The following EDIL3 variants were observed in gnomAD, a reference collection of about 807,000 sequenced individuals.
The protein encoded by EDIL3 is EGF like and discoidin domains 3.
Under a neutral mutation model 67.4 loss-of-function variants are expected in EDIL3, and 37 were observed. That is an observed-to-expected ratio of 0.55 (90% confidence interval 0.42 to 0.72). The LOEUF (loss-of-function observed/expected upper bound fraction) is 0.72, where lower values mean the gene tolerates loss of function less well. Ranked by LOEUF, EDIL3 falls within the 30% of genes least tolerant of loss-of-function variation. The pLI, the probability that EDIL3 is intolerant of heterozygous loss-of-function variation, is 0.00. For missense variants in EDIL3, 527 were observed against 586.3 expected (o/e 0.90, Z 1.04); for synonymous variants, 195 against 196.3 (o/e 0.99, Z 0.05).
At chr5:84,313,861 T>C in intron 1 of EDIL3, among the ~76,000 whole-genome samples, 1 of 152,050 alleles carries the variant, frequency 6.6e-6, no homozygotes, top group Non-Finnish European at 1.5e-5. Flanking sequence ...ATAGAGAAGA[T>C]AGGGCAGATA....
At chr5:84,312,459 G>A (rs537792640) in intron 1 of EDIL3, among the ~76,000 whole-genome samples, 32 of 141,702 alleles carry the variant, frequency 2.3e-4, no homozygotes, top group Non-Finnish European at 4.5e-4. Context: ...AGGGGCGGCC[G>A]GGCAGAGGCG....
chr5:84,301,036 G>A (rs1455669456), intron 1 of EDIL3, among the ~76,000 whole-genome samples: 1 of 152,176 alleles, frequency 6.6e-6, no homozygotes, highest in Non-Finnish European at 1.5e-5. Context: ...TTGGGTGGCT[G>A]AGGCAGGTGG....
intron 4 of EDIL3, among the ~76,000 whole-genome samples, chr5:84,147,264 G>C (rs918538082): frequency 2.0e-5 from 3 of 151,948 alleles, no homozygotes; most frequent in African/African-American, 7.2e-5. Context: ...TAGAGAAATT[G>C]CTCTAGAGTA....
At chr5:84,351,600 G>A (rs1747362852) in intron 1 of EDIL3, among the ~76,000 whole-genome samples, 1 of 152,110 alleles carries the variant, frequency 6.6e-6, no homozygotes, top group Non-Finnish European at 1.5e-5. Context: ...TAGAACAGAA[G>A]TATATATGTT....
intron 3 of EDIL3, among the ~76,000 whole-genome samples, chr5:84,186,728 CGCACACATACAA>C (rs915253782): frequency 1.3e-5 from 2 of 152,134 alleles, no homozygotes; most frequent in Non-Finnish European, 2.9e-5. Flanking sequence ...CCAGCACACA[CGCACACATACAA>C]GCACACATGT....
chr5:84,029,718 C>T (rs576941127), intron 9 of EDIL3, among the ~76,000 whole-genome samples: 2 of 152,200 alleles, frequency 1.3e-5, no homozygotes, highest in African/African-American at 4.8e-5. Context: ...TTATGGCAGG[C>T]TGCATTAATT....
At chr5:84,184,243 T>C (rs1311164959) in intron 3 of EDIL3, among the ~76,000 whole-genome samples, 1 of 152,210 alleles carries the variant, frequency 6.6e-6, no homozygotes, top group Non-Finnish European at 1.5e-5. Context: ...AAGCCTACTA[T>C]GTCTTTGTAA....
chr5:84,034,817 T>A (rs141823396), intron 9 of EDIL3, among the ~76,000 whole-genome samples: 44 of 152,280 alleles, frequency 2.9e-4, no homozygotes, highest in African/African-American at 1.0e-3. Flanking sequence ...TGGATCTAGT[T>A]TGGTATTTTA....
intron 4 of EDIL3, among the ~76,000 whole-genome samples, chr5:84,157,156 T>G (rs1173947129): frequency 6.6e-6 from 1 of 152,058 alleles, no homozygotes; most frequent in Non-Finnish European, 1.5e-5. Flanking sequence ...TTGATAAGAA[T>G]CTCTATACAA....
In EDIL3 at chr5:84,126,507, T is replaced by C. The variant is rs1747871447; in HGVS notation, c.469+10734A>G. Among the ~76,000 whole-genome samples the C allele has an allele frequency of 2.0e-5, 3 of 152,032 alleles. 1 individual carries two copies. Among genetic ancestry groups the C allele is most frequent in the Admixed American group, 1.3e-4 (2 of 15,230 alleles). On this transcript the variant is annotated intron_variant, in intron 5 of 10. Transcript: ENST00000296591. ...ATGTATATGCTGATCTATTAATACA[T>C]TAAGTAGTAGCAGATCTACTATAGT...
chr5:84,112,437 A>G (rs1388007859), intron 5 of EDIL3, among the ~76,000 whole-genome samples: 1 of 152,230 alleles, frequency 6.6e-6, no homozygotes, highest in Non-Finnish European at 1.5e-5. Flanking sequence ...GAGCAAACAT[A>G]GGTGTTTCCT....
chr5:84,321,738 A>T (rs557656343), intron 1 of EDIL3, among the ~76,000 whole-genome samples: 8 of 152,310 alleles, frequency 5.3e-5, no homozygotes, highest in African/African-American at 1.7e-4. Context: ...GAGGTGCAGA[A>T]AAATGATGGG....
chr5:84,295,591 A>G (rs998193376), intron 1 of EDIL3, among the ~76,000 whole-genome samples: 1 of 152,122 alleles, frequency 6.6e-6, no homozygotes, highest in Non-Finnish European at 1.5e-5. Flanking sequence ...AGAGCTAATC[A>G]GAGTTCACTG....
At chr5:83,986,509 G>C (rs1745059197) in intron 9 of EDIL3, among the ~76,000 whole-genome samples, 1 of 152,102 alleles carries the variant, frequency 6.6e-6, no homozygotes, top group South Asian at 2.1e-4. Context: ...TTAATTGGTA[G>C]CAACTATCTC....
chr5:84,015,305 G>C (rs1194052390), intron 9 of EDIL3, among the ~76,000 whole-genome samples: 1 of 152,164 alleles, frequency 6.6e-6, no homozygotes, highest in African/African-American at 2.4e-5. Flanking sequence ...TAGTTCAAAG[G>C]AAGAATGAGA....
chr5:84,311,431 A>G (rs1015702580), intron 1 of EDIL3, among the ~76,000 whole-genome samples: 1 of 151,698 alleles, frequency 6.6e-6, no homozygotes, highest in Non-Finnish European at 1.5e-5. Flanking sequence ...AAAATTATGA[A>G]GAAAAGCGAG....
chr5:84,130,120 A>G (rs894968157), intron 5 of EDIL3, among the ~76,000 whole-genome samples: 3 of 152,114 alleles, frequency 2.0e-5, no homozygotes, highest in African/African-American at 7.2e-5. Flanking sequence ...TATACTATAC[A>G]TTCTTATGGT....
At chr5:84,206,437 T>C (rs1294322505) in intron 3 of EDIL3, among the ~76,000 whole-genome samples, 27 of 152,158 alleles carry the variant, frequency 1.8e-4, no homozygotes, top group Admixed American at 1.8e-3. Context: ...GTCCACTTGG[T>C]GCAGAGCTGA....
chr5:84,254,009 T>G (rs1350963041), intron 2 of EDIL3, 75 bp downstream of exon 2: 8 of 1,470,956 alleles, frequency 5.4e-6, no homozygotes, highest in Non-Finnish European at 7.3e-6. Flanking sequence ...ATCTCCATAA[T>G]GCACCACAGC....
Sources: allele counts gnomAD v4.1 joint callset (sites outside exome capture counted in the v4.1 genomes callset), GRCh38; gene constraint gnomAD v4.1.1; transcripts MANE v1.5; gene names NCBI Gene and HGNC (gene_info 2026-07-23, HGNC 2026-07-21).